The following PRRT1B variants were observed in gnomAD, a reference collection of about 807,000 sequenced individuals.
The protein encoded by PRRT1B is proline rich transmembrane protein 1B.
In PRRT1B at chr9:131,552,029, C is replaced by G. The variant is rs144962757; in HGVS notation, c.26-2528C>G. On this transcript the variant is annotated intron_variant, in intron 1 of 3. Transcript: ENST00000636672. The stretch of plus-strand genomic sequence containing the variant: ...GCTGGTCTGGAACTCCTGACCTCAA[C>G]TGACCCACCCGCCTCGGCCTCCCAA... Among the ~76,000 whole-genome samples the G allele has an allele frequency of 2.8e-3, 433 of 152,220 alleles. 17 individuals carry two copies. In the East Asian group the frequency reaches 0.062, roughly 22 times the overall value.
chr9:131,550,049 C>T (rs1411103166), intron 1 of PRRT1B, among the ~76,000 whole-genome samples: 3 of 152,094 alleles, frequency 2.0e-5, no homozygotes, highest in East Asian at 3.9e-4. Context: ...TTACCCTGCT[C>T]AATGCCAATA....
intron 1 of PRRT1B, among the ~76,000 whole-genome samples, chr9:131,546,669 C>A (rs1950977499): frequency 6.6e-6 from 1 of 151,816 alleles, no homozygotes; most frequent in East Asian, 2.0e-4. Flanking sequence ...AAGCACTTGC[C>A]CAGCGGGGAG....
At position 131,551,189 on chromosome 9, in the gene PRRT1B, G is replaced by A. The variant is rs552211080; in HGVS notation, c.26-3368G>A. 3.2e-4 allele frequency among the ~76,000 whole-genome samples: 48 copies of A among 151,936 alleles called. No individual in the cohort carries two copies. The highest frequency in any genetic ancestry group is 1.0e-3 in the African/African-American group (42 of 41,470). ...AATCTCCTGACCTCATGATCCACCC[G>A]CTTCAGCCTCCCAAAATGCTGGGAT... On this transcript the variant is annotated intron_variant, in intron 1 of 3. Transcript: ENST00000636672. This position sits in a 1 kb window ranked among gnomAD's most constrained non-coding sequence, Gnocchi z 4.4.
At chr9:131,550,942 T>C (rs1365777276) in intron 1 of PRRT1B, among the ~76,000 whole-genome samples, 8 of 37,164 alleles carry the variant, frequency 2.2e-4, no homozygotes, top group Non-Finnish European at 3.5e-4. Context: ...TCTTTTTCTT[T>C]TTTTTTTTTT....
At chr9:131,556,498 CTT>C (rs1480513024) in intron 3 of PRRT1B, among the ~76,000 whole-genome samples, 1 of 152,190 alleles carries the variant, frequency 6.6e-6, no homozygotes, top group East Asian at 1.9e-4. Flanking sequence ...CCAGTGGAGG[CTT>C]GTGTTTTAAA....
chr9:131,559,728 T>G (rs73557770), downstream of PRRT1B, among the ~76,000 whole-genome samples: 2,669 of 152,276 alleles, frequency 0.018, 69 homozygotes, highest in African/African-American at 0.06. Context: ...AGCTTCCCAG[T>G]GATGCTGAAG....
In PRRT1B at chr9:131,555,514, A is replaced by C. The variant is rs1410987110; in HGVS notation, c.498+485A>C. Among the ~76,000 whole-genome samples the C allele has an allele frequency of 6.6e-5, 10 of 151,988 alleles. No homozygotes were observed. In the East Asian group the frequency reaches 1.9e-3, roughly 29 times the overall value. On this transcript the variant is annotated intron_variant, in intron 2 of 3. Transcript: ENST00000636672. ...AACATAGTGAGCCCTCATCTCTACT[A>C]AACGTAAAAAAATTAGCCGGGCATG...
chr9:131,552,391 CTT>C (rs967737714), intron 1 of PRRT1B, among the ~76,000 whole-genome samples: 11 of 152,336 alleles, frequency 7.2e-5, no homozygotes, highest in African/African-American at 2.4e-4. Flanking sequence ...TGCTGAGTGT[CTT>C]TTCCTTTGAG....
intron 1 of PRRT1B, 83 bp downstream of exon 1, chr9:131,545,723 A>G (rs916086421): frequency 3.0e-6 from 1 of 331,034 alleles, no homozygotes; most frequent in Non-Finnish European, 4.8e-6. Flanking sequence ...CAGGTACTGG[A>G]GGGGCAGGTA....
chr9:131,546,978 A>T (rs1268782801), intron 1 of PRRT1B, among the ~76,000 whole-genome samples: 1 of 151,374 alleles, frequency 6.6e-6, no homozygotes, highest in East Asian at 1.9e-4. Context: ...TCATTAGTAA[A>T]ATGGGGAGCA....
chr9:131,546,431 C>G (rs997695676), intron 1 of PRRT1B, among the ~76,000 whole-genome samples: 2 of 152,210 alleles, frequency 1.3e-5, no homozygotes, highest in Middle Eastern at 3.4e-3. Context: ...GGAACCGAGA[C>G]CTCGTCCTTG....
At chr9:131,550,882 T>C (rs1024900014) in intron 1 of PRRT1B, among the ~76,000 whole-genome samples, 3 of 152,078 alleles carry the variant, frequency 2.0e-5, no homozygotes, top group Non-Finnish European at 4.4e-5. Context: ...CTGTTTTTTT[T>C]CTTCTCTTAT....
chr9:131,546,518 G>C (rs114406086), intron 1 of PRRT1B, among the ~76,000 whole-genome samples: 12,370 of 150,124 alleles, frequency 0.082, 642 homozygotes, highest in Admixed American at 0.13. Context: ...CGCACTCCCC[G>C]CCCCCTCATC....
At chr9:131,549,778 T>C (rs1950998643) in intron 1 of PRRT1B, among the ~76,000 whole-genome samples, 1 of 152,202 alleles carries the variant, frequency 6.6e-6, no homozygotes, top group South Asian at 2.1e-4. Flanking sequence ...CTCTGCCAAC[T>C]TGGACAACAT....
At chr9:131,552,172 G>A (rs923809916) in intron 1 of PRRT1B, among the ~76,000 whole-genome samples, 1 of 152,166 alleles carries the variant, frequency 6.6e-6, no homozygotes, top group Non-Finnish European at 1.5e-5. Flanking sequence ...TGGAAAGTTT[G>A]TCACATGCCA....
chr9:131,548,294 T>A (rs1267903141), intron 1 of PRRT1B, among the ~76,000 whole-genome samples: 2 of 151,966 alleles, frequency 1.3e-5, no homozygotes, highest in East Asian at 3.9e-4. Context: ...TAAACTTGTC[T>A]CCTTCACTAT....
intron 1 of PRRT1B, among the ~76,000 whole-genome samples, chr9:131,545,879 G>C (rs1327192234): frequency 6.6e-6 from 1 of 152,086 alleles, no homozygotes; most frequent in Non-Finnish European, 1.5e-5. Flanking sequence ...AGATAACTGC[G>C]GGCCATGTTC....
rs1003298687 is a variant in PRRT1B, at chr9:131,551,217, C to T, written c.26-3340C>T. 3.3e-5 allele frequency among the ~76,000 whole-genome samples: 5 copies of T among 152,020 alleles called. No individual in the cohort carries two copies. Among genetic ancestry groups the T allele is most frequent in the African/African-American group, 4.8e-5 (2 of 41,378 alleles). ...TCAGCCTCCCAAAATGCTGGGATTA[C>T]GGGTGTGAGCCACCGCGCCCGACCT... On this transcript the variant is annotated intron_variant, in intron 1 of 3. Transcript: ENST00000636672. This position sits in a 1 kb window ranked among gnomAD's most constrained non-coding sequence, Gnocchi z 4.4.
rs1183247561 is a variant in PRRT1B at position 131,554,634 on chromosome 9, G to A, written c.103G>A (p.Asp35Asn). The change falls in exon 2 of 4, where the codon GAT becomes AAT. Residue 35 changes from aspartate to asparagine, a missense_variant. By Grantham distance (23) the Asp-to-Asn change is conservative. Transcript: ENST00000636672. ...CCCCGCGAAGCCCGCCGCCCCCGAG[G>A]ATCCCCAGATGCCCGCGCAGCCCGC... 6.1e-5 allele frequency: 24 copies of A among 394,588 alleles called. No individual in the cohort carries two copies. The Admixed American group carries it at 9.8e-4, about 16-fold the overall frequency. The allele number at this position is 394,588 out of a possible 1,614,324, so 24.4% of individuals were successfully genotyped here.
Sources: gnomAD v4.1 joint callset for allele counts (sites outside exome capture counted in the v4.1 genomes callset) on GRCh38, gnomAD v4.1.1 for gene constraint, Gnocchi (gnomAD v3.1) non-coding constraint, MANE v1.5 for transcripts, NCBI Gene and HGNC (gene_info 2026-07-23, HGNC 2026-07-21) for gene names.